The following ARHGAP35 variants were observed in gnomAD, a reference collection of about 807,000 sequenced individuals.
ARHGAP35 encodes the protein Rho GTPase activating protein 35.
A neutral mutation model predicts 111.1 loss-of-function variants in ARHGAP35; 15 were observed. The observed-to-expected ratio is 0.13, with a 90% CI of 0.09 to 0.21. ARHGAP35 has a LOEUF of 0.21. Ranked by LOEUF, ARHGAP35 falls within the 10% of genes least tolerant of loss-of-function variation. The probability of loss-of-function intolerance (pLI) is 1.00; values close to 1 mark genes in which losing one functional copy is unlikely to be tolerated. For missense variants in ARHGAP35, 1,262 were observed against 1,873.0 expected (o/e 0.67, Z 6.02); for synonymous variants, 643 against 710.3 (o/e 0.91, Z 1.51).
rs955280482 is a variant in ARHGAP35, at chr19:47,000,164, G to A, written c.4143-167G>A. Among the ~76,000 whole-genome samples, 1 of 152,160 alleles carries A rather than the reference G, an allele frequency of 6.6e-6. No individual in the cohort carries two copies. Among genetic ancestry groups the A allele is most frequent in the Admixed American group, 6.5e-5 (1 of 15,282 alleles). On this transcript the variant is annotated intron_variant, in intron 6 of 6. Coordinates refer to ENST00000672722, the MANE Select transcript of ARHGAP35 (RefSeq NM_004491.5). This position sits in a 1 kb window ranked among gnomAD's most constrained non-coding sequence, Gnocchi z 6.9. ...TGGGCTGGAGGGGAGAGGACACTGA[G>A]GGCGCAGCCTCCCAGGCAGGGCAGG... is the stretch of plus-strand genomic sequence containing the variant.
At chr19:46,904,495 C>A (rs2056095977) in intron 1 of ARHGAP35, among the ~76,000 whole-genome samples, 1 of 152,172 alleles carries the variant, frequency 6.6e-6, no homozygotes, top group Non-Finnish European at 1.5e-5. Context: ...TGGCCTTGAG[C>A]ACAGGCAGAA....
At chr19:46,867,521 C>G (rs2055864829) in intron 1 of ARHGAP35, among the ~76,000 whole-genome samples, 1 of 152,182 alleles carries the variant, frequency 6.6e-6, no homozygotes, top group Non-Finnish European at 1.5e-5. Flanking sequence ...TTTCTCTGGA[C>G]TACAGTTCCT....
intron 1 of ARHGAP35, among the ~76,000 whole-genome samples, chr19:46,902,942 G>A (rs2056089095): frequency 6.6e-6 from 1 of 152,146 alleles, no homozygotes; most frequent in African/African-American, 2.4e-5. Flanking sequence ...GGGTTGGTGT[G>A]TATGATATCG....
rs1033919706 is a variant in ARHGAP35 at position 47,000,804 on chromosome 19, T to A, written c.*116T>A. The stretch of plus-strand genomic sequence containing the variant: ...AGGCAGGGGCAAGTGGCTCTCCCCA[T>A]TACCTTCTCAAGACCTCAGTGGGAG... On this transcript the variant is annotated 3_prime_UTR_variant, in exon 7 of 7. Coordinates refer to ENST00000672722, the MANE Select transcript of ARHGAP35 (RefSeq NM_004491.5). The surrounding 1 kb of genome is among the most constrained non-coding windows in gnomAD (Gnocchi z 6.9). 1.9e-6 allele frequency: 3 copies of A among 1,544,066 alleles called. No homozygotes were observed. The African/African-American group carries it at 4.1e-5, about 21-fold the overall frequency.
intron 2 of ARHGAP35, among the ~76,000 whole-genome samples, chr19:46,932,929 T>C (rs2056281401): frequency 6.6e-6 from 1 of 152,136 alleles, no homozygotes; most frequent in Admixed American, 6.5e-5. Flanking sequence ...GTCTCTCTTA[T>C]CGCTCCCAAT....
intron 3 of ARHGAP35, among the ~76,000 whole-genome samples, chr19:46,982,620 C>G (rs1352570103): frequency 1.3e-5 from 2 of 152,048 alleles, no homozygotes; most frequent in African/African-American, 4.8e-5. Context: ...TTTATTGAAT[C>G]ATAGAATTCA....
Position 46,992,286 on chromosome 19 carries a change from G to A in ARHGAP35, c.4036+2611G>A, listed in dbSNP as rs566962752. ...GATACAGCCTGCCCAGGGTCACACCGCTAGGGAGTGGCAAGCCGGGGCTTG... is the reference window on the plus strand; with the variant it reads ...GATACAGCCTGCCCAGGGTCACACCACTAGGGAGTGGCAAGCCGGGGCTTG... On this transcript the variant is annotated intron_variant, in intron 5 of 6. Coordinates refer to ENST00000672722, the MANE Select transcript of ARHGAP35 (RefSeq NM_004491.5). This position sits in a 1 kb window ranked among gnomAD's most constrained non-coding sequence, Gnocchi z 4.4. Among the ~76,000 whole-genome samples the A allele has an allele frequency of 1.3e-5, 2 of 152,168 alleles. No individual in the cohort carries two copies. Among genetic ancestry groups the A allele is most frequent in the African/African-American group, 2.4e-5 (1 of 41,414 alleles).
intron 5 of ARHGAP35, among the ~76,000 whole-genome samples, chr19:46,997,018 G>A (rs1207574121): frequency 2.0e-5 from 3 of 152,108 alleles, no homozygotes; most frequent in Non-Finnish European, 4.4e-5. Flanking sequence ...ATTAGCAGGC[G>A]TGGTGGTGGG....
rs371025328 is a variant in ARHGAP35 at position 46,909,314 on chromosome 19, C to CA, written c.-188-9167dup. 5.2e-3 allele frequency among the ~76,000 whole-genome samples: 793 copies of CA among 152,040 alleles called. 10 individuals are homozygous for CA. Among genetic ancestry groups the CA allele is most frequent in the African/African-American group, 0.019 (772 of 41,466 alleles). On this transcript the variant is annotated intron_variant, in intron 1 of 6. Transcript: ENST00000672722. The stretch of plus-strand genomic sequence containing the variant: ...TAAGACCATATTTAAAAAACAAAAA[C>CA]AAAAAAACTTTAGGCCAGATTATTT...
Position 46,937,959 on chromosome 19 carries a change from A to G in ARHGAP35, c.3826+551A>G, listed in dbSNP as rs116993359. 4.3e-3 allele frequency among the ~76,000 whole-genome samples: 653 copies of G among 152,312 alleles called. 2 individuals are homozygous for G. The highest frequency in any genetic ancestry group is 6.9e-3 in the Non-Finnish European group (467 of 68,020). On this transcript the variant is annotated intron_variant, in intron 3 of 6. Coordinates refer to ENST00000672722, the MANE Select transcript of ARHGAP35 (RefSeq NM_004491.5). ...GCCGCTCCTCTGACAACTTGATGCT[A>G]TCACAAAGGTAGACTGTCTTGGGAA...
Position 46,919,920 on chromosome 19 carries a change from A to C in ARHGAP35, c.1245A>C (p.Leu415=). The C allele has an allele frequency of 1.2e-6, 2 of 1,614,010 alleles. No individual in the cohort carries two copies. Among genetic ancestry groups the C allele is most frequent in the Non-Finnish European group, 8.5e-7 (1 of 1,179,882 alleles). Reference sequence around the variant, plus strand: ...TGGATACCGTCCCTGCAGAGCAGCTATACGAGGCCCACTTAGAGAAGCTGA... The same window carrying C: ...TGGATACCGTCCCTGCAGAGCAGCTCTACGAGGCCCACTTAGAGAAGCTGA... ...DLMDTVPAEQ[L]YEAHLEKLRN... Residue 415 remains leucine, a synonymous_variant, in exon 2 of 7, where the codon CTA becomes CTC. Transcript: ENST00000672722. The surrounding 1 kb of genome is among the most constrained non-coding windows in gnomAD (Gnocchi z 6.2).
Position 46,999,289 on chromosome 19 carries a change from T to C in ARHGAP35, c.4037-15T>C. On this transcript the variant is annotated splice_polypyrimidine_tract_variant and intron_variant, in intron 5 of 6. Transcript: ENST00000672722. This position sits in a 1 kb window ranked among gnomAD's most constrained non-coding sequence, Gnocchi z 5.4. ...CGGCCATGAAAGGCAAGGCTTTGGTTTTCTCTCTCCTCAGAAATCAACGAC... is the reference window on the plus strand; with the variant it reads ...CGGCCATGAAAGGCAAGGCTTTGGTCTTCTCTCTCCTCAGAAATCAACGAC... 1 of 1,563,430 alleles carries C rather than the reference T, an allele frequency of 6.4e-7. No individual in the cohort carries two copies. The highest frequency in any genetic ancestry group is 8.7e-7 in the Non-Finnish European group (1 of 1,151,800).
intron 1 of ARHGAP35, among the ~76,000 whole-genome samples, chr19:46,917,189 A>G (rs932695217): frequency 2.0e-5 from 3 of 152,152 alleles, no homozygotes; most frequent in Non-Finnish European, 2.9e-5. Flanking sequence ...TTCTGTCTCT[A>G]TGAGTTTGAC....
intron 1 of ARHGAP35, among the ~76,000 whole-genome samples, chr19:46,883,632 CAT>C (rs2055977235): frequency 6.6e-6 from 1 of 152,104 alleles, no homozygotes; most frequent in African/African-American, 2.4e-5. Flanking sequence ...GACATCAAGA[CAT>C]GAAGTGAGCA....
intron 1 of ARHGAP35, among the ~76,000 whole-genome samples, chr19:46,869,884 A>G (rs1333306712): frequency 2.0e-5 from 3 of 151,362 alleles, no homozygotes; most frequent in Non-Finnish European, 4.4e-5. Context: ...CGTTGTAGGT[A>G]GAGGCTGGTG....
chr19:46,871,214 T>A (rs1165555380), intron 1 of ARHGAP35, among the ~76,000 whole-genome samples: 2 of 152,240 alleles, frequency 1.3e-5, no homozygotes, highest in African/African-American at 4.8e-5. Flanking sequence ...TATTTTGATC[T>A]TTGTTTGCTG....
intron 1 of ARHGAP35, among the ~76,000 whole-genome samples, chr19:46,861,588 T>C (rs2055828001): frequency 1.3e-5 from 2 of 149,676 alleles, no homozygotes; most frequent in Non-Finnish European, 3.0e-5. Context: ...CCTTCGCTCC[T>C]CCCGGGCTCT....
At chr19:46,881,028 T>C (rs2055959972) in intron 1 of ARHGAP35, among the ~76,000 whole-genome samples, 1 of 148,696 alleles carries the variant, frequency 6.7e-6, no homozygotes, top group Admixed American at 6.8e-5. Flanking sequence ...CACCACAATC[T>C]CCGCCTCCTG....
chr19:46,918,633 A>G lies in ARHGAP35; in HGVS notation c.-43A>G. 6.3e-7 allele frequency: 1 copy of G among 1,577,312 alleles called. No homozygotes were observed. The highest frequency in any genetic ancestry group is 8.6e-7 in the Non-Finnish European group (1 of 1,157,808). On this transcript the variant is annotated 5_prime_UTR_variant, in exon 2 of 7. Transcript: ENST00000672722. This position sits in a 1 kb window ranked among gnomAD's most constrained non-coding sequence, Gnocchi z 5.4. The stretch of plus-strand genomic sequence containing the variant: ...GCTGTCTGGTCCATTGGAAACACTA[A>G]TCTGATCTCAGAAGTGGCTGATCGT...
Sources: gnomAD v4.1 joint callset for allele counts (sites outside exome capture counted in the v4.1 genomes callset) on GRCh38, gnomAD v4.1.1 for gene constraint, Gnocchi (gnomAD v3.1) non-coding constraint, MANE v1.5 for transcripts, NCBI Gene and HGNC (gene_info 2026-07-23, HGNC 2026-07-21) for gene names.